INKA2: variants seen among roughly 807,000 people sequenced by gnomAD.
INKA2 encodes the protein inka box actin regulator 2.
Under a neutral mutation model 9.8 loss-of-function variants are expected in INKA2, and 3 were observed. The observed-to-expected ratio is 0.31, with a 90% CI of 0.14 to 0.79. The LOEUF (loss-of-function observed/expected upper bound fraction) is 0.79. Ranked by LOEUF, INKA2 falls within the 30% of genes least tolerant of loss-of-function variation. INKA2 has a pLI of 0.62. For missense variants in INKA2, 392 were observed against 384.4 expected, an observed-to-expected ratio of 1.02 and a Z score of -0.17; for synonymous variants, 147 against 143.3, an observed-to-expected ratio of 1.03 and a Z score of -0.18.
chr1:111,728,044 C>CACACACACACACACACACA (rs1662830028), intron 1 of INKA2, among the ~76,000 whole-genome samples: 2 of 147,110 alleles, frequency 1.4e-5, no homozygotes, highest in African/African-American at 5.3e-5. Flanking sequence ...CCCATACACA[C>CACACACACACACACACACA]ACACACACAC....
Position 111,755,666 on chromosome 1 carries a change from G to A in INKA2, n.124+35C>T, listed in dbSNP as rs749942842. On this transcript the variant is annotated intron_variant and non_coding_transcript_variant, in intron 1 of 1. Transcript: ENST00000444059. The stretch of plus-strand genomic sequence containing the variant: ...GGGGCGGTGCCCCCACCGCAGGCCC[G>A]CGGCGCCCTCTGCAGGCCACAGGCA... 3.1e-6 allele frequency: 5 copies of A among 1,611,922 alleles called. No homozygotes were observed. In the African/African-American group the frequency reaches 6.7e-5, roughly 22 times the overall value.
chr1:111,745,286 TATATA>T (rs1663242957), intron 1 of INKA2: 8 of 50,896 alleles, frequency 1.6e-4, no homozygotes, highest in Non-Finnish European at 2.9e-4. Context: ...TATATATATA[TATATA>T]TATTTTTTTT....
chr1:111,727,184 C>T lies in INKA2; in HGVS notation c.678G>A (p.Leu226=), dbSNP rs1662797606. The change falls in exon 2 of 2, where the codon CTG becomes CTA. Residue 226 remains leucine (L), a synonymous_variant. Transcript: ENST00000357260. ...GTGTCACCCAGCCTGGCTTCTCCTTCAGCAGCCGGTCACGGTCAGGCCGCA... is the reference window on the plus strand; with the variant it reads ...GTGTCACCCAGCCTGGCTTCTCCTTTAGCAGCCGGTCACGGTCAGGCCGCA... ...RSVRPDRDRL[L]KEKPGWVTPM... 1 of 1,614,248 alleles carries T rather than the reference C, an allele frequency of 6.2e-7. No individual in the cohort carries two copies. Among genetic ancestry groups the T allele is most frequent in the Non-Finnish European group, 8.5e-7 (1 of 1,180,050 alleles).
At chr1:111,733,210 T>G (rs1230994128) in intron 1 of INKA2, among the ~76,000 whole-genome samples, 2 of 152,170 alleles carry the variant, frequency 1.3e-5, no homozygotes, top group Non-Finnish European at 2.9e-5. Context: ...ATGTAAATAG[T>G]GTACTTATGA....
chr1:111,739,098 G>T (rs1663077580), intron 1 of INKA2, 88 bp downstream of exon 1: 1 of 1,327,932 alleles, frequency 7.5e-7, no homozygotes, highest in Non-Finnish European at 1.1e-6. Context: ...CCCTGCTTAC[G>T]TCCCGGCTCC....
intron 1 of INKA2, among the ~76,000 whole-genome samples, chr1:111,728,038 T>C (rs368653985): frequency 1.1e-3 from 117 of 109,350 alleles, no homozygotes; most frequent in Admixed American, 2.2e-3. Context: ...CCCCACCCCA[T>C]ACACACACAC....
chr1:111,723,310 G>C lies in INKA2; in HGVS notation c.*3658C>G. 2 of 521,502 alleles carry C rather than the reference G, an allele frequency of 3.8e-6. No homozygotes were observed. The highest frequency in any genetic ancestry group is 6.8e-6 in the Non-Finnish European group (2 of 296,070). 32.3% of individuals were successfully genotyped at this position (521,502 alleles called of 1,614,324 possible). On this transcript the variant is annotated 3_prime_UTR_variant, in exon 2 of 2. Coordinates refer to ENST00000357260, the MANE Select transcript of INKA2 (RefSeq NM_019099.5). ...GCAACCTTCTTTGGGGCAAGTTTGG[G>C]TTCAGAGATCACCCTGAGGGGCGGG...
upstream of INKA2, among the ~76,000 whole-genome samples, chr1:111,742,942 GTC>G (rs1663178484): frequency 6.6e-6 from 1 of 152,222 alleles, no homozygotes; most frequent in Admixed American, 6.5e-5. Flanking sequence ...TTGGGGGGCA[GTC>G]TCTCTCTTGC....
Position 111,736,971 on chromosome 1 carries a change from G to A in INKA2, c.57+2215C>T, listed in dbSNP as rs559603150. Among the ~76,000 whole-genome samples the A allele has an allele frequency of 2.0e-5, 3 of 152,270 alleles. No homozygotes were observed. The South Asian group carries it at 6.2e-4, about 32-fold the overall frequency. ...CCTAAGCACTGAACTGAGGTGTCAG[G>A]GAGTGAGTGACACTCTACTAGCTCT... On this transcript the variant is annotated intron_variant, in intron 1 of 1. Transcript: ENST00000357260.
In INKA2 at chr1:111,726,364, A is replaced by G. The variant is rs951892429; in HGVS notation, c.*604T>C. On this transcript the variant is annotated 3_prime_UTR_variant, in exon 2 of 2. Transcript: ENST00000357260. ...TACTCCTTATTCAGCTCATTTTCTC[A>G]GAGTCCAGGTATGGACTGAAACCTC... is the stretch of plus-strand genomic sequence containing the variant. 6.1e-5 allele frequency: 19 copies of G among 312,486 alleles called. No individual in the cohort carries two copies. Among genetic ancestry groups the G allele is most frequent in the African/African-American group, 3.0e-4 (14 of 46,424 alleles). The allele number at this position is 312,486 out of a possible 1,614,324, so 19.4% of individuals were successfully genotyped here.
intron 1 of INKA2, among the ~76,000 whole-genome samples, chr1:111,730,188 A>T (rs927496977): frequency 5.9e-5 from 9 of 152,112 alleles, no homozygotes; most frequent in Admixed American, 1.3e-4. Context: ...AGCTGCTAAG[A>T]CCTGGAGCAG....
At chr1:111,751,331 T>C (rs1262560044) in intron 1 of INKA2, among the ~76,000 whole-genome samples, 1 of 152,228 alleles carries the variant, frequency 6.6e-6, no homozygotes, top group East Asian at 1.9e-4. Context: ...TCTCACTCTC[T>C]CCCACGACAG....
intron 1 of INKA2, among the ~76,000 whole-genome samples, chr1:111,748,349 G>A (rs1374604336): frequency 6.6e-6 from 1 of 152,206 alleles, no homozygotes; most frequent in Non-Finnish European, 1.5e-5. Context: ...AATCTCTAAT[G>A]CCTCAGTTTC....
upstream of INKA2, chr1:111,739,539 C>G (rs954316741): frequency 4.1e-5 from 34 of 836,204 alleles, no homozygotes; most frequent in Non-Finnish European, 5.1e-5. Flanking sequence ...CGGACCCTAC[C>G]GCAGTGTTTG....
intron 1 of INKA2, among the ~76,000 whole-genome samples, chr1:111,744,747 A>T (rs1663223551): frequency 6.6e-6 from 1 of 151,926 alleles, no homozygotes; most frequent in South Asian, 2.1e-4. Context: ...ACGCCCAGCT[A>T]ATTTTTGTAT....
chr1:111,750,549 G>A (rs990498250), intron 1 of INKA2, among the ~76,000 whole-genome samples: 3 of 152,224 alleles, frequency 2.0e-5, no homozygotes, highest in Non-Finnish European at 4.4e-5. Flanking sequence ...GCATAAGCTA[G>A]TTGTGCTTTG....
chr1:111,755,731 T>G, exon 1 of INKA2: 2 of 1,613,900 alleles, frequency 1.2e-6, no homozygotes, highest in Non-Finnish European at 1.7e-6. Context: ...TCCTCCCTCT[T>G]GGGGCTTTCC....
chr1:111,722,828 A>C lies in INKA2; in HGVS notation c.*4140T>G, dbSNP rs181996028. The C allele has an allele frequency of 1.9e-3, 882 of 471,816 alleles. No individual in the cohort carries two copies. Among genetic ancestry groups the C allele is most frequent in the Non-Finnish European group, 2.8e-3 (751 of 266,596 alleles). The allele number at this position is 471,816 out of a possible 1,614,324, so 29.2% of individuals were successfully genotyped here. A position where few individuals can be genotyped will look rare whatever the true frequency, so the allele number is the denominator to read the frequency against. On this transcript the variant is annotated 3_prime_UTR_variant, in exon 2 of 2. Coordinates refer to ENST00000357260, the MANE Select transcript of INKA2 (RefSeq NM_019099.5). ...TCAGAGAAAGCACTTTTTCTTAAGC[A>C]CTTTTGCCTTGGGTCACATGGTTAG...
upstream of INKA2, among the ~76,000 whole-genome samples, chr1:111,742,500 G>A (rs548242317): frequency 2.6e-5 from 4 of 152,316 alleles, no homozygotes; most frequent in Admixed American, 6.5e-5. Context: ...CAGTAGAATC[G>A]CCTGAACCGG....
Sources: allele counts gnomAD v4.1 joint callset (sites outside exome capture counted in the v4.1 genomes callset), GRCh38; gene constraint gnomAD v4.1.1; transcripts MANE v1.5; gene names NCBI Gene and HGNC (gene_info 2026-07-23, HGNC 2026-07-21).